The following MFAP3L variants were observed in gnomAD, a reference collection of about 807,000 sequenced individuals.
MFAP3L encodes the protein microfibrillar-associated protein 3-like.
A neutral mutation model predicts 20.0 loss-of-function variants in MFAP3L; 5 were observed. The observed-to-expected ratio is 0.25, with a 90% CI of 0.13 to 0.53. The LOEUF is 0.53. Ranked by LOEUF, MFAP3L falls within the 20% of genes least tolerant of loss-of-function variation. The pLI is 0.96. For missense variants in MFAP3L, 409 were observed against 527.5 expected (o/e 0.78, Z 2.20); for synonymous variants, 219 against 213.0 (o/e 1.03, Z -0.25).
In MFAP3L at chr4:170,005,858, T is replaced by A; in HGVS notation, c.20A>T (p.His7Leu). Residue 7 changes from histidine to leucine, a missense_variant, in exon 2 of 3, where the codon CAT becomes CTT. Coordinates refer to ENST00000361618, the MANE Select transcript of MFAP3L (RefSeq NM_021647.8). ...AGAAGGTAGAAAGCACACAGTCAGA[T>A]GGCTCTTCAATCGATCCATCTTCTT... MDRLKS[H>L]LTVCFLPSVP... The A allele has an allele frequency of 6.2e-7, 1 of 1,613,892 alleles. No homozygotes were observed. The highest frequency in any genetic ancestry group is 1.1e-5 in the South Asian group (1 of 91,078).
At chr4:170,002,400 G>A (rs1030975143) in intron 2 of MFAP3L, among the ~76,000 whole-genome samples, 1 of 152,152 alleles carries the variant, frequency 6.6e-6, no homozygotes, top group African/African-American at 2.4e-5. Flanking sequence ...ACTTGGTGCA[G>A]CGACTTAGTA....
At chr4:170,011,616 C>T (rs1010615682) in intron 1 of MFAP3L, among the ~76,000 whole-genome samples, 1 of 152,172 alleles carries the variant, frequency 6.6e-6, no homozygotes, top group Admixed American at 6.5e-5. Flanking sequence ...AAATGACCTG[C>T]GCTGGGTGCA....
rs143668250 is a variant in MFAP3L, at chr4:170,002,098, CAT to C, written c.298+3480_298+3481del. The C allele has an allele frequency of 5.6e-3, 5,530 of 985,434 alleles. 190 individuals carry two copies. The African/African-American group carries it at 0.082, about 15-fold the overall frequency. The allele number at this position is 985,434 out of a possible 1,614,324, so 61.0% of individuals were successfully genotyped here. ...TGCATGTGCATGCCATGTACACACA[CAT>C]GTTCCGGCACAAATCCTAACACTGT... On this transcript the variant is annotated intron_variant, in intron 2 of 2. Transcript: ENST00000361618.
intron 2 of MFAP3L, chr4:170,003,681 G>C (rs1409787127): frequency 1.0e-6 from 1 of 985,410 alleles, no homozygotes; most frequent in Non-Finnish European, 1.2e-6. Context: ...CTTTGCTTTA[G>C]GGTCCATGTA....
intron 1 of MFAP3L, 61 bp from the exon 2 acceptor site, chr4:170,006,071 C>G: frequency 7.9e-7 from 1 of 1,267,462 alleles, no homozygotes; most frequent in Non-Finnish European, 1.0e-6. Flanking sequence ...ATTCAAAACA[C>G]TATAAACGGT....
At position 169,991,599 on chromosome 4, in the gene MFAP3L, G is replaced by C. The variant is rs1233500832; in HGVS notation, c.1009C>G (p.Gln337Glu). The change falls in exon 3 of 3, where the codon CAG becomes GAG. Residue 337 changes from glutamine (Q) to glutamate (E), a missense_variant. Transcript: ENST00000361618. This position sits in a 1 kb window ranked among gnomAD's most constrained non-coding sequence, Gnocchi z 4.9. ...KEHADDQEGG[Q>E]FEVKDVEETE... Reference sequence around the variant, plus strand: ...TCCTCTACATCTTTGACTTCAAACTGTCCACCCTCTTGGTCATCTGCATGC... The same window carrying C: ...TCCTCTACATCTTTGACTTCAAACTCTCCACCCTCTTGGTCATCTGCATGC... 2 of 1,614,164 alleles carry C rather than the reference G, an allele frequency of 1.2e-6. No homozygotes were observed. The highest frequency in any genetic ancestry group is 1.7e-5 in the Admixed American group (1 of 60,032).
intron 2 of MFAP3L, among the ~76,000 whole-genome samples, chr4:170,002,537 GTC>G (rs940463024): frequency 6.3e-4 from 95 of 151,880 alleles, no homozygotes; most frequent in African/African-American, 2.2e-3. Context: ...TTCAGACAGA[GTC>G]TCGTTCTGTC....
intron 2 of MFAP3L, chr4:169,993,810 G>A (rs567818512): frequency 3.3e-5 from 5 of 152,228 alleles, no homozygotes; most frequent in South Asian, 4.2e-4. Context: ...TTCAGCCAGT[G>A]TATTTCCTCC....
chr4:170,025,500 C>A (rs185577840), intron 1 of MFAP3L, among the ~76,000 whole-genome samples: 355 of 152,234 alleles, frequency 2.3e-3, no homozygotes, highest in African/African-American at 6.6e-3. Flanking sequence ...ACCTACAAAC[C>A]TTTTTTTGCT....
upstream of MFAP3L, chr4:170,026,916 T>G (rs895009940): frequency 5.3e-5 from 8 of 152,350 alleles, no homozygotes; most frequent in Middle Eastern, 0.024. Context: ...TCCGAAAGCT[T>G]CTCAGGCCTT....
At chr4:170,026,835 C>G (rs1188011711), upstream of MFAP3L, 1 of 152,268 alleles carries the variant, frequency 6.6e-6, no homozygotes, top group Non-Finnish European at 1.5e-5. Flanking sequence ...TAAATGGGAA[C>G]CAGTCAACCC....
At chr4:170,017,345 T>C (rs1560989421) in intron 1 of MFAP3L, among the ~76,000 whole-genome samples, 1 of 152,188 alleles carries the variant, frequency 6.6e-6, no homozygotes, top group African/African-American at 2.4e-5. Context: ...GATTTAATTC[T>C]TAAGAGTGCT....
chr4:169,993,657 G>A (rs946407004), intron 2 of MFAP3L: 2 of 151,774 alleles, frequency 1.3e-5, no homozygotes, highest in Non-Finnish European at 2.9e-5. Flanking sequence ...GGTACCTCCC[G>A]GGGTTCTACA....
In MFAP3L at chr4:169,990,103, G is replaced by A. The variant is rs1261689827; in HGVS notation, c.*1275C>T. The A allele has an allele frequency of 6.6e-6, 1 of 152,254 alleles. No individual in the cohort carries two copies. The highest frequency in any genetic ancestry group is 1.9e-4 in the East Asian group (1 of 5,202). 9.4% of individuals were successfully genotyped at this position (152,254 alleles called of 1,614,324 possible). A position where few individuals can be genotyped will look rare whatever the true frequency, so the allele number is the denominator to read the frequency against. ...TGCCCCTTCTACAGATAAGGGACCT[G>A]AGGTCCAGACTTGTCCAAAGCCAGG... On this transcript the variant is annotated 3_prime_UTR_variant, in exon 3 of 3. Coordinates refer to ENST00000361618, the MANE Select transcript of MFAP3L (RefSeq NM_021647.8).
At chr4:170,015,221 T>C (rs1013913795) in intron 1 of MFAP3L, among the ~76,000 whole-genome samples, 2 of 152,200 alleles carry the variant, frequency 1.3e-5, no homozygotes, top group African/African-American at 4.8e-5. Flanking sequence ...CCTCCATTTT[T>C]TATTTACTAG....
In MFAP3L at chr4:169,987,394, A is replaced by T. The variant is rs1055014133; in HGVS notation, c.*3984T>A. 5.3e-5 allele frequency: 8 copies of T among 152,208 alleles called. No individual in the cohort carries two copies. The highest frequency in any genetic ancestry group is 1.3e-4 in the Admixed American group (2 of 15,268). 9.4% of individuals were successfully genotyped at this position (152,208 alleles called of 1,614,324 possible). Reference sequence around the variant, plus strand: ...TTACTCAATGCCAAAAGGGTACGTGAAGAGCGGTAAAGGAAAGTATCTGAA... The same window carrying T: ...TTACTCAATGCCAAAAGGGTACGTGTAGAGCGGTAAAGGAAAGTATCTGAA... On this transcript the variant is annotated 3_prime_UTR_variant, in exon 3 of 3. Coordinates refer to ENST00000361618, the MANE Select transcript of MFAP3L (RefSeq NM_021647.8).
intron 1 of MFAP3L, among the ~76,000 whole-genome samples, chr4:170,015,253 T>C (rs1276080556): frequency 6.6e-6 from 1 of 152,222 alleles, no homozygotes; most frequent in Non-Finnish European, 1.5e-5. Context: ...TGGGAGTCAG[T>C]TGATCTCTCC....
At chr4:170,026,634 G>A (rs559527220), upstream of MFAP3L, among the ~76,000 whole-genome samples, 1 of 152,166 alleles carries the variant, frequency 6.6e-6, no homozygotes, top group South Asian at 2.1e-4. Context: ...AGTCCGCTCA[G>A]CCTCTGGGCC....
In MFAP3L at chr4:169,992,611, G is replaced by C. The variant is rs1339981365; in HGVS notation, c.299-302C>G. Among the ~76,000 whole-genome samples the C allele has an allele frequency of 1.3e-5, 2 of 152,206 alleles. No homozygotes were observed. Among genetic ancestry groups the C allele is most frequent in the African/African-American group, 2.4e-5 (1 of 41,452 alleles). On this transcript the variant is annotated intron_variant, in intron 2 of 2. Transcript: ENST00000361618. This position sits in a 1 kb window ranked among gnomAD's most constrained non-coding sequence, Gnocchi z 4.3. ...GCTTGGAAGCCGTAGAACTGAAGAT[G>C]AACTTGAGTTCCAGAGGCTGCACTC...
Sources: gnomAD v4.1 joint callset for allele counts (sites outside exome capture counted in the v4.1 genomes callset) on GRCh38, gnomAD v4.1.1 for gene constraint, Gnocchi (gnomAD v3.1) non-coding constraint, MANE v1.5 for transcripts, NCBI Gene and HGNC (gene_info 2026-07-23, HGNC 2026-07-21) for gene names.